The following PDE4B variants were observed in gnomAD, a reference collection of about 807,000 sequenced individuals.
PDE4B encodes the protein 3',5'-cyclic-AMP phosphodiesterase 4B.
A neutral mutation model predicts 82.2 loss-of-function variants in PDE4B; 20 were observed. That is an observed-to-expected ratio of 0.24 (90% confidence interval 0.17 to 0.35). The LOEUF is 0.35. Ranked by LOEUF, PDE4B falls within the 10% of genes least tolerant of loss-of-function variation. The pLI, the probability that PDE4B is intolerant of heterozygous loss-of-function variation, is 1.00. For missense variants in PDE4B, 655 were observed against 907.2 expected (o/e 0.72, Z 3.57); for synonymous variants, 320 against 318.9 (o/e 1.00, Z -0.04).
chr1:66,302,178 G>GTC (rs1657941862), intron 7 of PDE4B, among the ~76,000 whole-genome samples: 1 of 152,174 alleles, frequency 6.6e-6, no homozygotes, highest in African/African-American at 2.4e-5. Context: ...TGGCCTTGGA[G>GTC]ACAGGAGGCA....
rs576570555 is a variant in PDE4B at position 66,204,804 on chromosome 1, G to T, written c.282-42656G>T. On this transcript the variant is annotated intron_variant, in intron 3 of 16. Coordinates refer to ENST00000341517, the MANE Select transcript of PDE4B (RefSeq NM_002600.4). ...TGACCCCTTGCACTTCCAGAGGGAGGCAATGCCTTGCCCTGCTTCAGCTCG... is the reference window on the plus strand; with the variant it reads ...TGACCCCTTGCACTTCCAGAGGGAGTCAATGCCTTGCCCTGCTTCAGCTCG... Among the ~76,000 whole-genome samples, 22 of 152,312 alleles carry T rather than the reference G, an allele frequency of 1.4e-4. No homozygotes were observed. The East Asian group carries it at 1.5e-3, about 11-fold the overall frequency.
chr1:65,874,382 C>G (rs1454420558), intron 1 of PDE4B, among the ~76,000 whole-genome samples: 2 of 152,164 alleles, frequency 1.3e-5, no homozygotes, highest in Non-Finnish European at 2.9e-5. Flanking sequence ...ATTTGACTTC[C>G]TCTTTTCCTA....
At chr1:66,159,192 C>G (rs773009465) in intron 3 of PDE4B, among the ~76,000 whole-genome samples, 5 of 151,982 alleles carry the variant, frequency 3.3e-5, no homozygotes, top group Non-Finnish European at 7.4e-5. Context: ...GAACATCACA[C>G]TTACCCCATA....
chr1:66,027,223 A>T (rs895461242), intron 3 of PDE4B, among the ~76,000 whole-genome samples: 1 of 152,166 alleles, frequency 6.6e-6, no homozygotes, highest in Non-Finnish European at 1.5e-5. Context: ...TGGCTGGAGG[A>T]AAAAGGCACT....
intron 3 of PDE4B, among the ~76,000 whole-genome samples, chr1:66,242,069 G>A (rs1394967281): frequency 6.6e-6 from 1 of 152,194 alleles, no homozygotes; most frequent in East Asian, 1.9e-4. Context: ...GGTGGAGTGA[G>A]AGAGATAAGT....
At chr1:65,843,103 T>C (rs764346058) in intron 1 of PDE4B, among the ~76,000 whole-genome samples, 9 of 152,132 alleles carry the variant, frequency 5.9e-5, no homozygotes, top group Admixed American at 3.9e-4. Flanking sequence ...GACCATTTCT[T>C]AAAGGGCCTT....
intron 3 of PDE4B, among the ~76,000 whole-genome samples, chr1:66,200,464 C>A (rs1339014076): frequency 6.6e-6 from 1 of 152,168 alleles, no homozygotes; most frequent in Admixed American, 6.5e-5. Flanking sequence ...GATATTGATT[C>A]TTCCTACGCG....
intron 3 of PDE4B, among the ~76,000 whole-genome samples, chr1:66,090,411 T>A (rs1644988706): frequency 6.6e-6 from 1 of 151,666 alleles, no homozygotes; most frequent in South Asian, 2.1e-4. Flanking sequence ...GGAACATAAA[T>A]ATGATATTTT....
intron 1 of PDE4B, among the ~76,000 whole-genome samples, chr1:65,896,839 T>C (rs145461787): frequency 6.6e-6 from 1 of 152,214 alleles, no homozygotes. Context: ...CCCTGGAGAC[T>C]GTGAAGCAGT....
intron 3 of PDE4B, among the ~76,000 whole-genome samples, chr1:66,024,641 A>G (rs1232072890): frequency 6.6e-6 from 1 of 152,160 alleles, no homozygotes; most frequent in Non-Finnish European, 1.5e-5. Context: ...TGATAACTTG[A>G]TAAACATGGA....
chr1:66,115,413 A>G (rs1357386411), intron 3 of PDE4B, among the ~76,000 whole-genome samples: 2 of 151,512 alleles, frequency 1.3e-5, no homozygotes, highest in Non-Finnish European at 2.9e-5. Flanking sequence ...TGCACACTAA[A>G]TACAGAGGGT....
At chr1:66,096,508 T>TATATATATATA (rs59931848) in intron 3 of PDE4B, among the ~76,000 whole-genome samples, 1 of 107,328 alleles carries the variant, frequency 9.3e-6, no homozygotes, top group African/African-American at 3.4e-5. Context: ...GTAAAAAAAA[T>TATATATATATA]TATATATATA....
intron 7 of PDE4B, among the ~76,000 whole-genome samples, chr1:66,283,747 G>A (rs1656459827): frequency 6.6e-6 from 1 of 151,920 alleles, no homozygotes; most frequent in Admixed American, 6.6e-5. Flanking sequence ...GGAGGAGGTG[G>A]GGTTAACAAC....
Position 66,373,588 on chromosome 1 carries a change from C to A in PDE4B, c.*910C>A. The A allele has an allele frequency of 6.5e-6, 1 of 152,794 alleles. No individual in the cohort carries two copies. 9.5% of individuals were successfully genotyped at this position (152,794 alleles called of 1,614,324 possible). On this transcript the variant is annotated 3_prime_UTR_variant, in exon 17 of 17. Transcript: ENST00000341517. ...TAGGCTGTTTTCAATGTAATGCTGC[C>A]GTCCTTCTCTTGCACTGCCTTCTGC...
intron 3 of PDE4B, among the ~76,000 whole-genome samples, chr1:65,923,252 T>C (rs942214967): frequency 2.6e-5 from 4 of 152,198 alleles, no homozygotes; most frequent in African/African-American, 9.6e-5. Context: ...TCTGAGGGAC[T>C]TCACTTTTTA....
intron 3 of PDE4B, among the ~76,000 whole-genome samples, chr1:66,169,601 C>A (rs1402770866): frequency 1.3e-5 from 2 of 152,162 alleles, no homozygotes; most frequent in African/African-American, 4.8e-5. Flanking sequence ...CAGAACGAGT[C>A]AGACAGGAGG....
At chr1:66,352,075 A>G in intron 8 of PDE4B, among the ~76,000 whole-genome samples, 1 of 152,138 alleles carries the variant, frequency 6.6e-6, no homozygotes, top group East Asian at 1.9e-4. Context: ...GATGAGAGCA[A>G]TGATTGCTTT....
chr1:66,094,157 G>A (rs898835048), intron 3 of PDE4B, among the ~76,000 whole-genome samples: 1 of 151,996 alleles, frequency 6.6e-6, no homozygotes, highest in Non-Finnish European at 1.5e-5. Context: ...CTAGAGACCA[G>A]AAAGAAGCTA....
chr1:66,182,453 C>A (rs1647087429), intron 3 of PDE4B, among the ~76,000 whole-genome samples: 1 of 152,102 alleles, frequency 6.6e-6, no homozygotes, highest in African/African-American at 2.4e-5. Flanking sequence ...TTTTAGTAAG[C>A]ATTCTCTTAT....
Sources: gnomAD v4.1 joint callset for allele counts (sites outside exome capture counted in the v4.1 genomes callset) on GRCh38, gnomAD v4.1.1 for gene constraint, MANE v1.5 for transcripts, NCBI Gene and HGNC (gene_info 2026-07-23, HGNC 2026-07-21) for gene names.